Variants in ATL1 observed in about 807,000 individuals in gnomAD.
The protein encoded by ATL1 is atlastin GTPase 1, also known as atlastin-1.
In ATL1, 31 loss-of-function variants were observed where a neutral mutation model predicts 75.5. The observed-to-expected ratio is 0.41, with a 90% confidence interval of 0.31 to 0.55. The LOEUF is 0.55. Ranked by LOEUF, ATL1 falls within the 20% of genes least tolerant of loss-of-function variation. ATL1 has a pLI of 0.27. For synonymous variants in ATL1, 226 were observed against 233.3 expected, an observed-to-expected ratio of 0.97 and a Z score of 0.28; for missense variants, 405 against 662.6, an observed-to-expected ratio of 0.61 and a Z score of 4.27.
chr14:50,592,979 A>ATG (rs1387996526), intron 4 of ATL1, among the ~76,000 whole-genome samples: 5 of 149,064 alleles, frequency 3.4e-5, no homozygotes, highest in African/African-American at 1.2e-4. Context: ...TTATATATAT[A>ATG]TGTGTGTACA....
chr14:50,536,419 A>G (rs2038492997), intron 1 of ATL1, among the ~76,000 whole-genome samples: 1 of 144,324 alleles, frequency 6.9e-6, no homozygotes, highest in Non-Finnish European at 1.5e-5. Flanking sequence ...CTGGGCAACA[A>G]GAGCAAAACT....
chr14:50,617,535 G>C (rs1258318270), intron 8 of ATL1, among the ~76,000 whole-genome samples: 1 of 152,188 alleles, frequency 6.6e-6, no homozygotes, highest in Admixed American at 6.5e-5. Flanking sequence ...AGGAAATCCT[G>C]AGAAAATATC....
In ATL1 at chr14:50,625,142, T is replaced by C. The variant is rs574931238; in HGVS notation, c.1119+1894T>C. Among the ~76,000 whole-genome samples the C allele has an allele frequency of 2.0e-5, 3 of 152,292 alleles. No homozygotes were observed. The South Asian group carries it at 6.2e-4, about 32-fold the overall frequency. On this transcript the variant is annotated intron_variant, in intron 11 of 13. Coordinates refer to ENST00000358385, the MANE Select transcript of ATL1 (RefSeq NM_015915.5). The stretch of plus-strand genomic sequence containing the variant: ...TTATAAAAAAGTGAAACAGCTTTTT[T>C]GCTGACACAGAGAAAGCTTTAGTTT...
rs1240625947 is a variant in ATL1, at chr14:50,587,961, G to A, written c.165G>A (p.Arg55=). ...SFELDETALN[R]ILLSEAVRDK... ...AGTTAGATGAAACTGCATTAAATCGGATCCTTCTCTCGGAGGCTGTCAGAG... is the reference window on the plus strand; with the variant it reads ...AGTTAGATGAAACTGCATTAAATCGAATCCTTCTCTCGGAGGCTGTCAGAG... The change falls in exon 2 of 14, where the codon CGG becomes CGA. Residue 55 remains arginine, a synonymous_variant. Transcript: ENST00000358385. 8 of 1,614,118 alleles carry A rather than the reference G, an allele frequency of 5.0e-6. No individual in the cohort carries two copies. The highest frequency in any genetic ancestry group is 6.8e-6 in the Non-Finnish European group (8 of 1,180,016).
chr14:50,623,307 C>G, intron 11 of ATL1, 59 bp downstream of exon 11: 3 of 1,398,328 alleles, frequency 2.1e-6, no homozygotes, highest in Non-Finnish European at 3.0e-6. Context: ...TCATGCAACT[C>G]ATTCTCTTTT....
chr14:50,590,801 G>T, intron 2 of ATL1, 140 bp from the exon 3 acceptor site: 2 of 819,700 alleles, frequency 2.4e-6, no homozygotes, highest in Non-Finnish European at 3.9e-6. Flanking sequence ...GATGAATAAA[G>T]TGATGGTATC....
chr14:50,594,924 G>A (rs1422343088), intron 5 of ATL1, among the ~76,000 whole-genome samples: 1 of 151,118 alleles, frequency 6.6e-6, no homozygotes, highest in Admixed American at 6.6e-5. Flanking sequence ...ACTTGAGCCA[G>A]GGAGGTCAAG....
At chr14:50,551,925 G>A (rs2038707301) in intron 1 of ATL1, among the ~76,000 whole-genome samples, 1 of 152,078 alleles carries the variant, frequency 6.6e-6, no homozygotes, top group Non-Finnish European at 1.5e-5. Flanking sequence ...AGGAAAATTT[G>A]AAAGCATTCC....
rs113692079 is a variant in ATL1 at position 50,552,148 on chromosome 14, G to A, written c.-139-7979G>A. ...ATCCAAAAATCTAGACCTGATAAATGAGTTCAGTAAAGTTTCGGGATACAA... is the reference window on the plus strand; with the variant it reads ...ATCCAAAAATCTAGACCTGATAAATAAGTTCAGTAAAGTTTCGGGATACAA... On this transcript the variant is annotated intron_variant, in intron 1 of 13. Coordinates refer to the ATL1 transcript ENST00000441560. Among the ~76,000 whole-genome samples, 5 of 152,288 alleles carry A rather than the reference G, an allele frequency of 3.3e-5. 1 individual carries two copies. Among genetic ancestry groups the A allele is most frequent in the South Asian group, 2.1e-4 (1 of 4,822 alleles).
chr14:50,572,975 A>G (rs1382034604), intron 1 of ATL1, among the ~76,000 whole-genome samples: 1 of 152,122 alleles, frequency 6.6e-6, no homozygotes, highest in Admixed American at 6.6e-5. Flanking sequence ...CCTTCTTCAC[A>G]TGGTTGCAGG....
At chr14:50,584,477 G>T (rs1305984711) in intron 1 of ATL1, among the ~76,000 whole-genome samples, 1 of 152,188 alleles carries the variant, frequency 6.6e-6, no homozygotes, top group East Asian at 1.9e-4. Context: ...GCCGAGGCGG[G>T]CAGATCACGA....
intron 13 of ATL1, chr14:50,632,022 C>A: frequency 2.5e-6 from 1 of 402,874 alleles, no homozygotes; most frequent in Non-Finnish European, 4.5e-6. Context: ...AAACATTCAC[C>A]ACACAGGTCA....
chr14:50,562,295 C>T (rs188960810), intron 1 of ATL1, among the ~76,000 whole-genome samples: 138 of 152,288 alleles, frequency 9.1e-4, no homozygotes, highest in Middle Eastern at 6.8e-3. Flanking sequence ...CCGCCCGCCT[C>T]GGCCTCCCAA....
intron 6 of ATL1, among the ~76,000 whole-genome samples, chr14:50,608,401 C>A (rs1026344383): frequency 5.9e-5 from 9 of 151,966 alleles, no homozygotes; most frequent in African/African-American, 1.4e-4. Flanking sequence ...AGTTATTAAA[C>A]CTTTAATAGC....
chr14:50,559,669 A>C (rs1411420883), upstream of ATL1: 2 of 152,308 alleles, frequency 1.3e-5, no homozygotes, highest in Non-Finnish European at 2.9e-5. Flanking sequence ...TTCTAATTTT[A>C]AGACAAACTA....
At chr14:50,579,198 A>C (rs1382804451) in intron 1 of ATL1, among the ~76,000 whole-genome samples, 2 of 152,100 alleles carry the variant, frequency 1.3e-5, no homozygotes, top group African/African-American at 4.8e-5. Context: ...ATGATGGCTC[A>C]TTTTCCCCAC....
intron 6 of ATL1, among the ~76,000 whole-genome samples, chr14:50,604,341 T>C (rs1371244853): frequency 2.0e-5 from 3 of 152,150 alleles, no homozygotes; most frequent in Non-Finnish European, 4.4e-5. Context: ...TACATTTTAA[T>C]GTGCCTATCC....
At chr14:50,582,047 G>A (rs1020964741) in intron 1 of ATL1, among the ~76,000 whole-genome samples, 2 of 152,036 alleles carry the variant, frequency 1.3e-5, no homozygotes, top group Non-Finnish European at 2.9e-5. Flanking sequence ...TTGGGAGGCC[G>A]AGGCGGGCGG....
At chr14:50,541,253 T>C (rs2038556644) in intron 1 of ATL1, among the ~76,000 whole-genome samples, 1 of 152,222 alleles carries the variant, frequency 6.6e-6, no homozygotes, top group Non-Finnish European at 1.5e-5. Context: ...TTTGTTTCCT[T>C]GATATCCAGT....
Sources: gnomAD v4.1 joint callset for allele counts (sites outside exome capture counted in the v4.1 genomes callset) on GRCh38, gnomAD v4.1.1 for gene constraint, MANE v1.5 for transcripts, NCBI Gene and HGNC (gene_info 2026-07-23, HGNC 2026-07-21) for gene names.